Variants in ZC3H6 observed in about 807,000 individuals in gnomAD.
ZC3H6 encodes zinc finger CCCH-type containing 6, also known as zinc finger CCCH domain-containing protein 6.
Under a neutral mutation model 107.7 loss-of-function variants are expected in ZC3H6, and 40 were observed. The ratio of observed to expected loss-of-function variants is 0.37; its 90% CI spans 0.29 to 0.48. ZC3H6 has a LOEUF of 0.48. Ranked by LOEUF, ZC3H6 falls within the 20% of genes least tolerant of loss-of-function variation. The pLI is 0.98. For synonymous variants in ZC3H6, 493 were observed against 487.9 expected, an observed-to-expected ratio of 1.01 and a Z score of -0.14; for missense variants, 1,267 against 1,410.4, an observed-to-expected ratio of 0.90 and a Z score of 1.63.
At position 112,338,601 on chromosome 2, in the gene ZC3H6, A is replaced by G. The variant is rs1052766956; in HGVS notation, c.*6113A>G. The G allele has an allele frequency of 3.9e-5, 6 of 152,008 alleles. No homozygotes were observed. The highest frequency in any genetic ancestry group is 5.9e-5 in the Non-Finnish European group (4 of 68,004). 9.4% of individuals were successfully genotyped at this position (152,008 alleles called of 1,614,324 possible). A position where few individuals can be genotyped will look rare whatever the true frequency, so the allele number is the denominator to read the frequency against. On this transcript the variant is annotated 3_prime_UTR_variant, in exon 12 of 12. Coordinates refer to ENST00000409871, the MANE Select transcript of ZC3H6 (RefSeq NM_198581.3). ...AATATATAGCTAATTATAGCATTTT[A>G]GAAAAAATTAGCTCTGCAGATAGTC... is the stretch of plus-strand genomic sequence containing the variant.
Position 112,325,159 on chromosome 2 carries a change from C to T in ZC3H6, c.2048C>T (p.Thr683Ile). 1 of 1,613,970 alleles carries T rather than the reference C, an allele frequency of 6.2e-7. No individual in the cohort carries two copies. The highest frequency in any genetic ancestry group is 1.6e-4 in the Middle Eastern group (1 of 6,062). The stretch of plus-strand genomic sequence containing the variant: ...AGATACCAAGAAGATGAAGAACAAA[C>T]CAGCACCCAACCTCATAGGGCACCA... ...TQRYQEDEEQ[T>I]STQPHRAPSK... The change falls in exon 11 of 12, where the codon ACC becomes ATC. Residue 683 changes from threonine to isoleucine, a missense_variant. Thr to Ile is a moderately conservative substitution (Grantham distance 89). This residue lies in a region of ZC3H6 where 925 missense variants were observed against 1,025.7 expected (regional missense o/e 0.90). Coordinates refer to ENST00000409871, the MANE Select transcript of ZC3H6 (RefSeq NM_198581.3).
intron 1 of ZC3H6, among the ~76,000 whole-genome samples, chr2:112,284,439 A>T (rs1055614065): frequency 6.6e-6 from 1 of 150,990 alleles, no homozygotes; most frequent in African/African-American, 2.4e-5. Flanking sequence ...CATAGAGTAA[A>T]CTTCTGGCAT....
chr2:112,319,645 C>CAA (rs1187937504), intron 7 of ZC3H6, among the ~76,000 whole-genome samples: 14 of 133,734 alleles, frequency 1.0e-4, no homozygotes, highest in Non-Finnish European at 1.9e-4. Context: ...GACTCTGTCT[C>CAA]AAAAAAAAAA....
chr2:112,316,042 T>C (rs1676689391), intron 5 of ZC3H6, among the ~76,000 whole-genome samples: 1 of 152,212 alleles, frequency 6.6e-6, no homozygotes, highest in African/African-American at 2.4e-5. Context: ...TATTTTATTA[T>C]ATGACTAGAT....
Position 112,311,802 on chromosome 2 carries a change from A to C in ZC3H6, c.614-2A>C. The C allele has an allele frequency of 6.2e-7, 1 of 1,602,882 alleles. No homozygotes were observed. Among genetic ancestry groups the C allele is most frequent in the Non-Finnish European group, 8.5e-7 (1 of 1,175,010 alleles). On this transcript the variant is annotated splice_acceptor_variant, in intron 4 of 11. Transcript: ENST00000409871. LOFTEE classifies it high-confidence loss of function. Reference sequence around the variant, plus strand: ...AATTTAAGTACATTTTAACTTTTCTAGGTATTGAACAGAGAGTTAAAAGTT... The same window carrying C: ...AATTTAAGTACATTTTAACTTTTCTCGGTATTGAACAGAGAGTTAAAAGTT...
At chr2:112,324,902 C>T in intron 10 of ZC3H6, 62 bp from the exon 11 acceptor site, 1 of 1,433,538 alleles carries the variant, frequency 7.0e-7, no homozygotes, top group South Asian at 1.3e-5. Context: ...GCTTTCATTT[C>T]TTATGACTGG....
chr2:112,312,806 G>A (rs1676617451), intron 5 of ZC3H6, among the ~76,000 whole-genome samples: 2 of 150,868 alleles, frequency 1.3e-5, no homozygotes, highest in South Asian at 4.2e-4. Context: ...GTTGCAGTGA[G>A]CCAAGATGGC....
At chr2:112,320,746 A>G (rs894934883) in intron 7 of ZC3H6, among the ~76,000 whole-genome samples, 1 of 152,118 alleles carries the variant, frequency 6.6e-6, no homozygotes, top group Non-Finnish European at 1.5e-5. Flanking sequence ...GTAAATAATA[A>G]TAATTTTACT....
intron 1 of ZC3H6, among the ~76,000 whole-genome samples, chr2:112,281,841 G>C (rs1686532151): frequency 6.6e-6 from 1 of 151,910 alleles, no homozygotes; most frequent in Non-Finnish European, 1.5e-5. Flanking sequence ...GAGAAAAGAA[G>C]GGATAGTCAC....
rs973009924 is a variant in ZC3H6, at chr2:112,334,226, A to G, written c.*1738A>G. ...AATTTTGTTGTTAATTGAGAAGTCA[A>G]TAAAATGGATTAAACTGACAGAAAA... On this transcript the variant is annotated 3_prime_UTR_variant, in exon 12 of 12. Transcript: ENST00000409871. 6.6e-6 allele frequency: 1 copy of G among 152,150 alleles called. No individual in the cohort carries two copies. The highest frequency in any genetic ancestry group is 6.5e-5 in the Admixed American group (1 of 15,280). The allele number at this position is 152,150 out of a possible 1,614,324, so 9.4% of individuals were successfully genotyped here.
chr2:112,294,875 G>A (rs768803623), intron 1 of ZC3H6, among the ~76,000 whole-genome samples: 3 of 152,038 alleles, frequency 2.0e-5, no homozygotes, highest in Admixed American at 6.6e-5. Flanking sequence ...TTCCCCAGTT[G>A]TCTCAATCTA....
At chr2:112,288,072 A>T (rs1197672253) in intron 1 of ZC3H6, among the ~76,000 whole-genome samples, 3 of 152,196 alleles carry the variant, frequency 2.0e-5, no homozygotes, top group East Asian at 3.8e-4. Context: ...TTTATGTTTT[A>T]TTGTTGCCTT....
chr2:112,278,674 A>G (rs919298296), intron 1 of ZC3H6, among the ~76,000 whole-genome samples: 2 of 152,206 alleles, frequency 1.3e-5, no homozygotes, highest in Non-Finnish European at 2.9e-5. Context: ...GTATGCAGGA[A>G]AAAAAATGAA....
chr2:112,303,104 TCA>T (rs1250370155), intron 2 of ZC3H6, 123 bp from the exon 3 acceptor site: 3 of 1,250,766 alleles, frequency 2.4e-6, no homozygotes, highest in African/African-American at 1.5e-5. Flanking sequence ...CAGTAGTACT[TCA>T]GAGTCTCCTG....
At chr2:112,328,174 G>T (rs1169201619) in intron 11 of ZC3H6, among the ~76,000 whole-genome samples, 1 of 152,138 alleles carries the variant, frequency 6.6e-6, no homozygotes, top group Non-Finnish European at 1.5e-5. Context: ...TTACAGGTGT[G>T]AGCCACTGTG....
intron 1 of ZC3H6, among the ~76,000 whole-genome samples, chr2:112,287,942 A>G (rs1332496348): frequency 1.3e-5 from 2 of 152,366 alleles, no homozygotes; most frequent in Non-Finnish European, 1.5e-5. Context: ...AATAAAATAC[A>G]TGGCATGCCT....
chr2:112,324,203 A>C lies in ZC3H6; in HGVS notation c.1392A>C (p.Gly464=), dbSNP rs754133224. Reference sequence around the variant, plus strand: ...CACCACCAGGACCACAATTTCAGGGAAGCAGTCCACACCCTCAACATATCT... The same window carrying C: ...CACCACCAGGACCACAATTTCAGGGCAGCAGTCCACACCCTCAACATATCT... ...SASPPGPQFQ[G]SSPHPQHIYS... The change falls in exon 10 of 12, where the codon GGA becomes GGC. Residue 464 remains glycine, a synonymous_variant. Coordinates refer to ENST00000409871, the MANE Select transcript of ZC3H6 (RefSeq NM_198581.3). The C allele has an allele frequency of 4.4e-6, 7 of 1,595,428 alleles. No homozygotes were observed. In the East Asian group the frequency reaches 1.1e-4, roughly 26 times the overall value.
intron 1 of ZC3H6, 50 bp downstream of exon 1, chr2:112,276,076 G>C (rs1686411933): frequency 6.6e-7 from 1 of 1,523,294 alleles, no homozygotes; most frequent in Admixed American, 2.0e-5. Flanking sequence ...GGAGGGGTCT[G>C]GGGCGGCGGG....
chr2:112,286,587 A>G (rs1245256794), intron 1 of ZC3H6, among the ~76,000 whole-genome samples: 1 of 152,212 alleles, frequency 6.6e-6, no homozygotes. Flanking sequence ...ATGGGCGCAC[A>G]ACACCACGCC....
Sources: gnomAD v4.1 joint callset for allele counts (sites outside exome capture counted in the v4.1 genomes callset) on GRCh38, gnomAD v4.1.1 for gene constraint, gnomAD v4.1.1 regional missense constraint, MANE v1.5 for transcripts, NCBI Gene and HGNC (gene_info 2026-07-23, HGNC 2026-07-21) for gene names.